Variants in DEPDC5 observed in about 807,000 individuals in gnomAD.
DEPDC5 encodes DEP domain containing 5, GATOR1 subcomplex subunit.
In DEPDC5, 73 loss-of-function variants were observed where a neutral mutation model predicts 217.3. The ratio of observed to expected loss-of-function variants is 0.34; its 90% CI spans 0.28 to 0.41. DEPDC5 has a LOEUF of 0.41. DEPDC5 is among the 10% of genes least tolerant of loss of function. The pLI is 1.00. For synonymous variants in DEPDC5, 733 were observed against 756.7 expected (o/e 0.97, Z 0.51); for missense variants, 1,675 against 2,070.1 (o/e 0.81, Z 3.70).
In DEPDC5 at chr22:31,805,563, T is replaced by A. The variant is rs568005681; in HGVS notation, c.1218-559T>A. 3.9e-5 allele frequency among the ~76,000 whole-genome samples: 6 copies of A among 151,954 alleles called. No individual in the cohort carries two copies. The South Asian group carries it at 1.2e-3, about 32-fold the overall frequency. ...TCACCCAGGCTGGAGTGCAGTGACA[T>A]GATCTTGGCTCACTGCAACCTCCAC... On this transcript the variant is annotated intron_variant, in intron 17 of 42. Transcript: ENST00000651528.
chr22:31,791,539 A>T (rs989569058), intron 10 of DEPDC5, among the ~76,000 whole-genome samples: 3 of 150,852 alleles, frequency 2.0e-5, no homozygotes, highest in Non-Finnish European at 2.9e-5. Flanking sequence ...CTGAGGCAGG[A>T]GAATTGCTTG....
intron 4 of DEPDC5, among the ~76,000 whole-genome samples, chr22:31,762,060 C>T (rs898836322): frequency 2.0e-5 from 3 of 151,984 alleles, no homozygotes; most frequent in Non-Finnish European, 2.9e-5. Context: ...ACACCTTGAC[C>T]TCCCAAAGTG....
chr22:31,846,167 T>G (rs1467125795), intron 30 of DEPDC5, among the ~76,000 whole-genome samples: 5 of 152,178 alleles, frequency 3.3e-5, no homozygotes, highest in Non-Finnish European at 7.4e-5. Flanking sequence ...TGGCAACCAC[T>G]GGTGTGTTCC....
At chr22:31,792,188 C>T (rs533319852) in intron 11 of DEPDC5, 86 bp downstream of exon 11, 18 of 1,017,424 alleles carry the variant, frequency 1.8e-5, no homozygotes, top group East Asian at 9.9e-5. Context: ...TTTTTTTCCT[C>T]GTTGCACTTT....
Position 31,770,073 on chromosome 22 carries a change from A to G in DEPDC5, c.413+1210A>G, listed in dbSNP as rs1411285940. Among the ~76,000 whole-genome samples, 4 of 148,784 alleles carry G rather than the reference A, an allele frequency of 2.7e-5. No homozygotes were observed. The East Asian group carries it at 5.9e-4, about 22-fold the overall frequency. The stretch of plus-strand genomic sequence containing the variant: ...ACAAATAGTCTCTAAAAAAAAGAGA[A>G]AAAAAAAAAAAACAGCCAGGCATGG... On this transcript the variant is annotated intron_variant, in intron 7 of 42. Transcript: ENST00000651528.
intron 38 of DEPDC5, chr22:31,880,009 A>G (rs1164912111): frequency 4.2e-6 from 2 of 473,822 alleles, no homozygotes; most frequent in Admixed American, 3.3e-5. Flanking sequence ...TTCGGATAGG[A>G]GAGAAGAAAT....
At chr22:31,835,257 A>G (rs1483270421) in intron 25 of DEPDC5, among the ~76,000 whole-genome samples, 1 of 152,228 alleles carries the variant, frequency 6.6e-6, no homozygotes, top group African/African-American at 2.4e-5. Context: ...GAAAGCTACC[A>G]GCAGTGAATA....
At chr22:31,846,748 GA>G in intron 30 of DEPDC5, 85 bp from the exon 31 acceptor site, 1 of 1,591,106 alleles carries the variant, frequency 6.3e-7, no homozygotes, top group Non-Finnish European at 8.6e-7. Context: ...CGGGGCCTGG[GA>G]ATGCTGCAGC....
intron 26 of DEPDC5, chr22:31,837,409 G>C: frequency 1.9e-6 from 1 of 517,666 alleles, no homozygotes; most frequent in Non-Finnish European, 3.4e-6. Flanking sequence ...GGAGTACAGT[G>C]GTATGATCAC....
At chr22:31,797,300 T>C (rs2086350213) in intron 12 of DEPDC5, among the ~76,000 whole-genome samples, 1 of 152,148 alleles carries the variant, frequency 6.6e-6, no homozygotes, top group Non-Finnish European at 1.5e-5. Context: ...TCAGGAGGCC[T>C]CTGGAAACTT....
intron 8 of DEPDC5, among the ~76,000 whole-genome samples, chr22:31,781,756 G>C (rs530421331): frequency 6.6e-6 from 1 of 152,178 alleles, no homozygotes; most frequent in South Asian, 2.1e-4. Flanking sequence ...AGATGGAGCT[G>C]AACATGGTGG....
intron 13 of DEPDC5, 145 bp from the exon 14 acceptor site, chr22:31,798,437 G>C (rs1302302676): frequency 1.9e-6 from 1 of 518,448 alleles, no homozygotes. Context: ...AGAATCACTT[G>C]AACCTGGGAG....
chr22:31,895,332 C>G (rs908016218), intron 39 of DEPDC5, among the ~76,000 whole-genome samples: 4 of 151,996 alleles, frequency 2.6e-5, no homozygotes, highest in African/African-American at 9.7e-5. Context: ...TTTAACTGGT[C>G]TTCCTGCCTG....
chr22:31,784,221 T>C, intron 9 of DEPDC5: 1 of 334,928 alleles, frequency 3.0e-6, no homozygotes. Flanking sequence ...AGCCTCTTAG[T>C]AGTGAGGCAG....
rs372277165 is a variant in DEPDC5 at position 31,855,534 on chromosome 22, G to T, written c.3156-1911G>T. Among the ~76,000 whole-genome samples the T allele has an allele frequency of 5.3e-5, 8 of 151,744 alleles. No individual in the cohort carries two copies. In the South Asian group the frequency reaches 1.0e-3, roughly 20 times the overall value. ...TGGGACTACAGGCGCCCGCCACAAC[G>T]CCCGGCTAATTTTTTTTGTATTTTT... On this transcript the variant is annotated intron_variant, in intron 31 of 42. Coordinates refer to ENST00000651528, the MANE Select transcript of DEPDC5 (RefSeq NM_001242896.3).
intron 24 of DEPDC5, among the ~76,000 whole-genome samples, chr22:31,826,843 G>A (rs2090189875): frequency 6.6e-6 from 1 of 151,060 alleles, no homozygotes; most frequent in Non-Finnish European, 1.5e-5. Context: ...AGAAGAATTT[G>A]AATAACACAC....
In DEPDC5 at chr22:31,836,970, A is replaced by C; in HGVS notation, c.2171-2A>C. The C allele has an allele frequency of 1.3e-6, 2 of 1,565,770 alleles. No individual in the cohort carries two copies. The highest frequency in any genetic ancestry group is 1.7e-6 in the Non-Finnish European group (2 of 1,152,994). ...ACCTTTTCCCCCTGTTACGTGAGGC[A>C]GTTCTGACACTGTCTGCTCCCCCTG... is the stretch of plus-strand genomic sequence containing the variant. On this transcript the variant is annotated splice_acceptor_variant, in intron 25 of 42. Coordinates refer to ENST00000651528, the MANE Select transcript of DEPDC5 (RefSeq NM_001242896.3). LOFTEE classifies it high-confidence loss of function.
intron 23 of DEPDC5, among the ~76,000 whole-genome samples, 155 bp downstream of exon 23, chr22:31,821,792 T>G (rs2089723335): frequency 6.6e-6 from 1 of 152,230 alleles, no homozygotes; most frequent in South Asian, 2.1e-4. Flanking sequence ...TGGCATTCCC[T>G]TCAGTTGGTG....
chr22:31,801,471 G>T (rs2086860588), intron 14 of DEPDC5, among the ~76,000 whole-genome samples: 1 of 152,120 alleles, frequency 6.6e-6, no homozygotes, highest in Admixed American at 6.6e-5. Context: ...GCATTTATGT[G>T]TTAGCCGAAA....
Sources: gnomAD v4.1 joint callset for allele counts (sites outside exome capture counted in the v4.1 genomes callset) on GRCh38, gnomAD v4.1.1 for gene constraint, MANE v1.5 for transcripts, NCBI Gene and HGNC (gene_info 2026-07-23, HGNC 2026-07-21) for gene names.